Variants in HSPH1 observed in about 807,000 individuals in gnomAD.
HSPH1 encodes the protein heat shock protein family H (Hsp110) member 1.
HSPH1 carries 40 observed loss-of-function variants against 100.0 expected under a neutral mutation model. That is an observed-to-expected ratio of 0.40 (90% CI 0.31 to 0.52). HSPH1 has a LOEUF of 0.52. HSPH1 is among the 20% of genes least tolerant of loss of function. The pLI, the probability that HSPH1 is intolerant of heterozygous loss-of-function variation, is 0.54. For synonymous variants in HSPH1, 403 were observed against 344.0 expected, an observed-to-expected ratio of 1.17 and a Z score of -1.90; for missense variants, 876 against 1,015.1, an observed-to-expected ratio of 0.86 and a Z score of 1.86.
chr13:31,140,116 A>ACTGT, intron 14 of HSPH1, 68 bp downstream of exon 14: 1 of 1,412,022 alleles, frequency 7.1e-7, no homozygotes, highest in Non-Finnish European at 9.6e-7. Flanking sequence ...TTAAGCCTCA[A>ACTGT]CTGTCAATTT....
At chr13:31,150,311 A>G (rs1250233306) in intron 7 of HSPH1, 129 bp from the exon 8 acceptor site, 2 of 623,758 alleles carry the variant, frequency 3.2e-6, no homozygotes, top group African/African-American at 3.7e-5. Context: ...GTTTAGCTGT[A>G]TTGTAGTTTA....
At chr13:31,155,994 C>T (rs112165842) in intron 2 of HSPH1, among the ~76,000 whole-genome samples, 1,625 of 152,306 alleles carry the variant, frequency 0.011, 28 homozygotes, top group African/African-American at 0.036. Context: ...AGAATTTTAT[C>T]ACTGTTTCAT....
rs746961271 is a variant in HSPH1, at chr13:31,139,129, A to G, written c.1981-22T>C. 5.0e-6 allele frequency: 7 copies of G among 1,395,740 alleles called. No homozygotes were observed. In the East Asian group the frequency reaches 1.6e-4, roughly 32 times the overall value. The allele number at this position is 1,395,740 out of a possible 1,614,324, so 86.5% of individuals were successfully genotyped here. A position where few individuals can be genotyped will look rare whatever the true frequency, so the allele number is the denominator to read the frequency against. The stretch of plus-strand genomic sequence containing the variant: ...GATCCTTAACACAAAATATGACAAT[A>G]TTAGTGGCACTCGTACTTCAGAATT... On this transcript the variant is annotated intron_variant, in intron 14 of 17. Transcript: ENST00000320027.
In HSPH1 at chr13:31,145,663, G is replaced by A. The variant is rs773021240; in HGVS notation, c.1484C>T (p.Ala495Val). Residue 495 changes from alanine (A) to valine (V), a missense_variant, in exon 11 of 18, where the codon GCA becomes GTA. Coordinates refer to ENST00000320027, the MANE Select transcript of HSPH1 (RefSeq NM_006644.4). The stretch of plus-strand genomic sequence containing the variant: ...AGTTGGGACTTTCTCCACCATAGAT[G>A]CCGTAGAGATGGTGAAAATGCCATG... ...NTHGIFTIST[A>V]SMVEKVPTEE... 6.2e-7 allele frequency: 1 copy of A among 1,613,066 alleles called. No homozygotes were observed.
At chr13:31,149,614 A>T (rs199859221) in intron 8 of HSPH1, among the ~76,000 whole-genome samples, 3 of 152,170 alleles carry the variant, frequency 2.0e-5, no homozygotes, top group Admixed American at 6.5e-5. Context: ...ATTCCTTATT[A>T]TATCAGATTA....
intron 2 of HSPH1, among the ~76,000 whole-genome samples, chr13:31,156,865 G>C (rs140036084): frequency 9.8e-4 from 149 of 152,284 alleles, no homozygotes; most frequent in African/African-American, 3.3e-3. Context: ...GTAAAAGATG[G>C]TGTTTTTTTA....
Position 31,158,793 on chromosome 13 carries a change from T to C in HSPH1, c.165+13A>G, listed in dbSNP as rs1260335958. 6 of 1,579,136 alleles carry C rather than the reference T, an allele frequency of 3.8e-6. No individual in the cohort carries two copies. The highest frequency in any genetic ancestry group is 1.7e-5 in the Admixed American group (1 of 59,952). On this transcript the variant is annotated intron_variant, in intron 2 of 17. Transcript: ENST00000320027. ...CCCTTAAAAAGTGATCCGAATTCTC[T>C]TAAAGAACATACCTGATTTTTGGCT... is the stretch of plus-strand genomic sequence containing the variant.
intron 2 of HSPH1, among the ~76,000 whole-genome samples, chr13:31,156,973 A>G (rs1227509635): frequency 6.6e-6 from 1 of 152,240 alleles, no homozygotes; most frequent in East Asian, 1.9e-4. Flanking sequence ...GAAACAAGAA[A>G]TAACTGTAAG....
chr13:31,156,548 G>A (rs948275505), intron 2 of HSPH1, among the ~76,000 whole-genome samples: 2 of 147,438 alleles, frequency 1.4e-5, no homozygotes, highest in Admixed American at 1.4e-4. Context: ...TGGGTAACAA[G>A]GGTGAAACTC....
intron 2 of HSPH1, among the ~76,000 whole-genome samples, chr13:31,158,224 T>C (rs532011485): frequency 2.6e-5 from 4 of 152,206 alleles, no homozygotes; most frequent in Non-Finnish European, 4.4e-5. Flanking sequence ...TTCTAAAAAT[T>C]AGATAAATGA....
upstream of HSPH1, chr13:31,162,115 C>G: frequency 6.5e-7 from 1 of 1,535,298 alleles, no homozygotes; most frequent in Non-Finnish European, 8.7e-7. Flanking sequence ...GGGCCGCTCC[C>G]GTGCCATTGG....
chr13:31,156,425 A>G (rs1287963344), intron 2 of HSPH1, among the ~76,000 whole-genome samples: 3 of 151,946 alleles, frequency 2.0e-5, no homozygotes, highest in South Asian at 2.1e-4. Flanking sequence ...ATAGCTGGGC[A>G]TGGCAGCACA....
intron 11 of HSPH1, 103 bp from the exon 12 acceptor site, chr13:31,144,026 C>G (rs911239993): frequency 2.0e-6 from 2 of 1,003,970 alleles, no homozygotes; most frequent in Admixed American, 3.8e-5. Flanking sequence ...TTTCTGAAAT[C>G]TTAACAGGTG....
rs545139269 is a variant in HSPH1 at position 31,136,019 on chromosome 13, A to G, written c.*1299T>C. The G allele has an allele frequency of 6.6e-4, 101 of 152,206 alleles. No individual in the cohort carries two copies. The highest frequency in any genetic ancestry group is 2.4e-3 in the African/African-American group (99 of 41,538). The allele number at this position is 152,206 out of a possible 1,614,324, so 9.4% of individuals were successfully genotyped here. On this transcript the variant is annotated 3_prime_UTR_variant, in exon 18 of 18. Transcript: ENST00000320027. ...CGAAACCCCAGCTCTACCAAAAAAA[A>G]AAAAAGAATAAACTGTTGCACCCTA...
chr13:31,160,619 C>T (rs1593220571), intron 1 of HSPH1, among the ~76,000 whole-genome samples: 1 of 152,292 alleles, frequency 6.6e-6, no homozygotes, highest in Non-Finnish European at 1.5e-5. Flanking sequence ...TAAAATGTTG[C>T]CCTTTGCCCA....
chr13:31,150,053 T>A lies in HSPH1; in HGVS notation c.1038A>T (p.Arg346=). 6.2e-7 allele frequency: 1 copy of A among 1,613,886 alleles called. No individual in the cohort carries two copies. The highest frequency in any genetic ancestry group is 8.5e-7 in the Non-Finnish European group (1 of 1,179,830). The part of the protein sequence containing the change: ...SAVEIVGGAT[R]IPAVKERIAK... ...CAATTCTTTCCTTCACAGCTGGAAT[T>A]CGTGTAGCGCCTCCAACAATCTCAA... The change falls in exon 8 of 18, where the codon CGA becomes CGT. Residue 346 remains arginine, a synonymous_variant. Coordinates refer to ENST00000320027, the MANE Select transcript of HSPH1 (RefSeq NM_006644.4).
rs78036000 is a variant in HSPH1 at position 31,153,010 on chromosome 13, T to A, written c.430-59A>T. 4,830 of 1,159,552 alleles carry A rather than the reference T, an allele frequency of 4.2e-3. 139 individuals carry two copies. In the African/African-American group the frequency reaches 0.067, roughly 16 times the overall value. The allele number at this position is 1,159,552 out of a possible 1,614,324, so 71.8% of individuals were successfully genotyped here. On this transcript the variant is annotated intron_variant, in intron 4 of 17. Transcript: ENST00000320027. Reference sequence around the variant, plus strand: ...AACACAAAATATACTTAGAAATTCCTCACAAACCACTTATAAATTCACAAC... The same window carrying A: ...AACACAAAATATACTTAGAAATTCCACACAAACCACTTATAAATTCACAAC...
In HSPH1 at chr13:31,137,624, C is replaced by G. The variant is rs1593706767; in HGVS notation, c.2371-100G>C. The G allele has an allele frequency of 2.1e-5, 16 of 769,940 alleles. No homozygotes were observed. The East Asian group carries it at 3.1e-4, about 15-fold the overall frequency. 47.7% of individuals were successfully genotyped at this position (769,940 alleles called of 1,614,324 possible). On this transcript the variant is annotated intron_variant, in intron 17 of 17. Transcript: ENST00000320027. ...TCAACCCACTATTTTTCTACCAACT[C>G]CAATTACACATAAAATAATTACATT...
intron 13 of HSPH1, chr13:31,140,921 A>G (rs533704727): frequency 5.2e-6 from 2 of 387,124 alleles, no homozygotes; most frequent in South Asian, 9.2e-5. Context: ...TCAGCCAATC[A>G]TGTTATATCA....
Sources: gnomAD v4.1 joint callset for allele counts (sites outside exome capture counted in the v4.1 genomes callset) on GRCh38, gnomAD v4.1.1 for gene constraint, MANE v1.5 for transcripts, NCBI Gene and HGNC (gene_info 2026-07-23, HGNC 2026-07-21) for gene names.